The following MAP3K11 variants were observed in gnomAD, a reference collection of about 807,000 sequenced individuals.
MAP3K11 encodes the protein SH3 domain-containing proline-rich kinase.
In MAP3K11, 46 loss-of-function variants were observed where a neutral mutation model predicts 84.9. The observed-to-expected ratio is 0.54, with a 90% CI of 0.43 to 0.69. The LOEUF is 0.69. Ranked by LOEUF, MAP3K11 falls within the 30% of genes least tolerant of loss-of-function variation. MAP3K11 has a pLI of 0.00. For synonymous variants in MAP3K11, 527 were observed against 514.7 expected, an observed-to-expected ratio of 1.02 and a Z score of -0.32; for missense variants, 1,053 against 1,198.3, an observed-to-expected ratio of 0.88 and a Z score of 1.79.
At chr11:65,605,602 A>C in intron 8 of MAP3K11, 159 bp downstream of exon 8, 1 of 571,800 alleles carries the variant, frequency 1.7e-6, no homozygotes. Context: ...CCTGGGTTCC[A>C]GGATCGGCTC....
chr11:65,599,729 T>A lies in MAP3K11; in HGVS notation c.1871A>T (p.Lys624Met). The change falls in exon 9 of 10, where the codon AAG becomes ATG. Residue 624 changes from lysine (K) to methionine (M), a missense_variant. Lys to Met is a moderately conservative substitution (Grantham distance 95). Around this residue, in one of 3 missense-constraint regions of MAP3K11, gnomAD observed 583 missense variants for 566.6 expected, o/e 1.03. Transcript: ENST00000309100. ...PRPSLEPEEP[K>M]RPVPAERGSS... is the part of the protein sequence containing the mutation. ...ACCGCGCTCTGCGGGGACAGGCCTC[T>A]TGGGCTCCTCGGGCTCCAGGCTAGG... 6.3e-7 allele frequency: 1 copy of A among 1,589,978 alleles called. No homozygotes were observed. The highest frequency in any genetic ancestry group is 2.2e-5 in the East Asian group (1 of 44,458).
rs1854601783 is a variant in MAP3K11 at position 65,613,352 on chromosome 11, G to C, written c.405C>G (p.Ser135Arg). ...TCACAGCCACCAGCTCACCTCGCCA[G>C]CTGCCCCTGTACACCTTGCCAAAGC... The part of the protein sequence containing the change: ...IGGFGKVYRG[S>R]WRGELVAVKA... Residue 135 changes from serine to arginine, a missense_variant, in exon 1 of 10, where the codon AGC becomes AGG. Around this residue, in one of 3 missense-constraint regions of MAP3K11, gnomAD observed 310 missense variants for 464.5 expected, o/e 0.67. Transcript: ENST00000309100. 6.2e-7 allele frequency: 1 copy of C among 1,612,996 alleles called. No homozygotes were observed. The highest frequency in any genetic ancestry group is 8.5e-7 in the Non-Finnish European group (1 of 1,179,926).
At chr11:65,612,061 GTC>G (rs138504384) in intron 1 of MAP3K11, 2,187 of 152,478 alleles carry the variant, frequency 0.014, 23 homozygotes, top group Non-Finnish European at 0.025. Context: ...CTCTAAGAAT[GTC>G]TCATGCTTTT....
intron 1 of MAP3K11, chr11:65,612,463 C>T (rs1051797378): frequency 6.6e-6 from 1 of 152,494 alleles, no homozygotes; most frequent in African/African-American, 2.4e-5. Flanking sequence ...TTCACTCTCC[C>T]TTTTTACAGA....
Position 65,599,474 on chromosome 11 carries a change from G to A in MAP3K11, c.2126C>T (p.Pro709Leu), listed in dbSNP as rs1854424301. Reference protein sequence around the residue: ...SLKTPDSPPTPAPLLLDLGIP... With the variant: ...SLKTPDSPPTLAPLLLDLGIP... ...ACCCAGGTCCAGCAACAGGGGTGCA[G>A]GAGTGGGCGGGGAGTCGGGCGTCTT... The change falls in exon 9 of 10, where the codon CCT becomes CTT. Residue 709 changes from proline (P) to leucine (L), a missense_variant. By Grantham distance (98) the Pro-to-Leu change is moderately conservative. Coordinates refer to ENST00000309100, the MANE Select transcript of MAP3K11 (RefSeq NM_002419.4). 6 of 1,508,408 alleles carry A rather than the reference G, an allele frequency of 4.0e-6. No homozygotes were observed. The African/African-American group carries it at 5.9e-5, about 15-fold the overall frequency. 93.4% of individuals were successfully genotyped at this position (1,508,408 alleles called of 1,614,324 possible).
chr11:65,607,389 A>G lies in MAP3K11; in HGVS notation c.1370T>C (p.Leu457Pro). ...QWELEVFERE[L>P]TLLLQQVDRE... ...GTCCACCTGCTGCAGCAGCAGCGTC[A>G]GCTCGCGCTCGAACACCTCTAGCTC... Residue 457 changes from leucine to proline, a missense_variant, in exon 5 of 10, where the codon CTG becomes CCG. Physicochemically the swap from Leu to Pro is moderately conservative, Grantham distance 98. Transcript: ENST00000309100. 6.7e-7 allele frequency: 1 copy of G among 1,495,204 alleles called. No individual in the cohort carries two copies. Among genetic ancestry groups the G allele is most frequent in the Non-Finnish European group, 8.9e-7 (1 of 1,129,718 alleles). The allele number at this position is 1,495,204 out of a possible 1,614,324, so 92.6% of individuals were successfully genotyped here.
chr11:65,598,595 C>T lies in MAP3K11; in HGVS notation c.2240G>A (p.Arg747His), dbSNP rs569473618. ...GGTGCCTGGGGTGCCAGGAGCAGAG[C>T]GTGATGTCCCCGGTGGGGGTGAGAC... ...GTVSPPPGTS[R>H]SAPGTPGTPR... Residue 747 changes from arginine to histidine, a missense_variant, in exon 10 of 10, where the codon CGC becomes CAC. Arg to His is a conservative substitution (Grantham distance 29, BLOSUM62 0). Coordinates refer to ENST00000309100, the MANE Select transcript of MAP3K11 (RefSeq NM_002419.4). The T allele has an allele frequency of 1.8e-4, 286 of 1,572,554 alleles. 4 individuals are homozygous for T. In the South Asian group the frequency reaches 3.2e-3, roughly 17 times the overall value.
At chr11:65,600,354 T>C (rs1344504098) in intron 8 of MAP3K11, among the ~76,000 whole-genome samples, 1 of 152,194 alleles carries the variant, frequency 6.6e-6, no homozygotes, top group African/African-American at 2.4e-5. Context: ...ACAGCTAATT[T>C]ACAGAGTATG....
rs1442187639 is a variant in MAP3K11 at position 65,606,733 on chromosome 11, G to C, written c.1561C>G (p.Pro521Ala). 3.7e-6 allele frequency: 6 copies of C among 1,604,690 alleles called. No individual in the cohort carries two copies. Among genetic ancestry groups the C allele is most frequent in the Non-Finnish European group, 5.1e-6 (6 of 1,176,062 alleles). Residue 521 changes from proline to alanine, a missense_variant, in exon 6 of 10, where the codon CCT becomes GCT. Transcript: ENST00000309100. ...CGGGGAAAGGTGGGCGAATCCCCAGGCCCGACCTCGAAGACGTTTCTCCTC... is the reference window on the plus strand; with the variant it reads ...CGGGGAAAGGTGGGCGAATCCCCAGCCCCGACCTCGAAGACGTTTCTCCTC... ...DRRRNVFEVG[P>A]GDSPTFPRFR...
At chr11:65,607,050 A>AC in intron 5 of MAP3K11, 3 of 697,166 alleles carry the variant, frequency 4.3e-6, no homozygotes, top group Admixed American at 3.9e-5. Context: ...ACTTTCGTGA[A>AC]CCCCACCCCT....
chr11:65,598,213 G>A lies in MAP3K11; in HGVS notation c.*78C>T. ...TGGGGAAACTGAGGCAGCTGCAGAG[G>A]CTGACCCAGCTCCTGTTCCAGTGTA... On this transcript the variant is annotated 3_prime_UTR_variant, in exon 10 of 10. Transcript: ENST00000309100. 2 of 1,236,212 alleles carry A rather than the reference G, an allele frequency of 1.6e-6. No individual in the cohort carries two copies. The highest frequency in any genetic ancestry group is 2.9e-5 in the East Asian group (1 of 34,238). The allele number at this position is 1,236,212 out of a possible 1,614,324, so 76.6% of individuals were successfully genotyped here.
At position 65,605,775 on chromosome 11, in the gene MAP3K11, G is replaced by A; in HGVS notation, c.1817C>T (p.Pro606Leu). The change falls in exon 8 of 10, where the codon CCC becomes CTC. Residue 606 changes from proline (P) to leucine (L), a missense_variant. Physicochemically the swap from Pro to Leu is moderately conservative, Grantham distance 98. Coordinates refer to ENST00000309100, the MANE Select transcript of MAP3K11 (RefSeq NM_002419.4). Reference protein sequence around the residue: ...DSSPLGSPSTPPALNGNPPRP... With the variant: ...DSSPLGSPSTLPALNGNPPRP... ...AGGCCACTCACCATTGAGTGCTGGG[G>A]GTGTGGAAGGAGATCCTAAGGGGGA... 2 of 1,610,164 alleles carry A rather than the reference G, an allele frequency of 1.2e-6. No homozygotes were observed. The highest frequency in any genetic ancestry group is 4.5e-5 in the East Asian group (2 of 44,580).
intron 6 of MAP3K11, 193 bp downstream of exon 6, chr11:65,606,498 A>G (rs904582365): frequency 4.3e-6 from 2 of 461,744 alleles, no homozygotes; most frequent in African/African-American, 4.1e-5. Flanking sequence ...TCATACAATT[A>G]TTTGACTAAA....
At chr11:65,605,001 G>A (rs1462378385) in intron 8 of MAP3K11, among the ~76,000 whole-genome samples, 3 of 152,184 alleles carry the variant, frequency 2.0e-5, no homozygotes, top group African/African-American at 4.8e-5. Flanking sequence ...CTATACGTGA[G>A]AAGCCCTTTC....
At position 65,613,283 on chromosome 11, in the gene MAP3K11, G is replaced by C; in HGVS notation, c.474C>G (p.Ala158=). The C allele has an allele frequency of 6.2e-7, 1 of 1,612,914 alleles. No individual in the cohort carries two copies. Among genetic ancestry groups the C allele is most frequent in the South Asian group, 1.1e-5 (1 of 91,058 alleles). The change falls in exon 1 of 10, where the codon GCC becomes GCG. Residue 158 remains alanine, a synonymous_variant. Transcript: ENST00000309100. ...QDPDEDISVT[A]ESVRQEARLF... Reference sequence around the variant, plus strand: ...GCCGGGCCTCCTGGCGAACGCTCTCGGCTGTCACACTGATGTCCTCATCGG... The same window carrying C: ...GCCGGGCCTCCTGGCGAACGCTCTCCGCTGTCACACTGATGTCCTCATCGG...
In MAP3K11 at chr11:65,605,778, G is replaced by T. The variant is rs145297254; in HGVS notation, c.1814C>A (p.Thr605Lys). The T allele has an allele frequency of 5.8e-4, 934 of 1,610,620 alleles. 6 individuals carry two copies. The highest frequency in any genetic ancestry group is 2.9e-4 in the Non-Finnish European group (338 of 1,178,582). ...DDSSPLGSPS[T>K]PPALNGNPPR... ...CCACTCACCATTGAGTGCTGGGGGT[G>T]TGGAAGGAGATCCTAAGGGGGATGA... Residue 605 changes from threonine to lysine, a missense_variant, in exon 8 of 10, where the codon ACA becomes AAA. Physicochemically the swap from Thr to Lys is moderately conservative, Grantham distance 78 (BLOSUM62 -1). Transcript: ENST00000309100.
In MAP3K11 at chr11:65,598,254, T is replaced by C. The variant is rs1352894760; in HGVS notation, c.*37A>G. The C allele has an allele frequency of 2.1e-6, 3 of 1,408,052 alleles. No individual in the cohort carries two copies. The highest frequency in any genetic ancestry group is 2.9e-5 in the African/African-American group (2 of 68,876). 87.2% of individuals were successfully genotyped at this position (1,408,052 alleles called of 1,614,324 possible). On this transcript the variant is annotated 3_prime_UTR_variant, in exon 10 of 10. Transcript: ENST00000309100. ...TTCCAGTGTATGCTGTGACTCCTCC[T>C]AAGGCAGCTGGAGCTCGGGGGAGTG...
chr11:65,606,038 G>A lies in MAP3K11; in HGVS notation c.1647C>T (p.Pro549=), dbSNP rs772022239. Residue 549 remains proline, a synonymous_variant, in exon 7 of 10, where the codon CCC becomes CCT. Coordinates refer to ENST00000309100, the MANE Select transcript of MAP3K11 (RefSeq NM_002419.4). The part of the protein sequence containing the change: ...EPGQAWGRQS[P]RRLEDSSNGE... ...CATTGCTTGAGTCCTCCAGACGTCG[G>A]GGGGACTGGCGGCCCCATGCCTGGC... The A allele has an allele frequency of 1.9e-6, 3 of 1,592,252 alleles. No individual in the cohort carries two copies. The highest frequency in any genetic ancestry group is 2.6e-6 in the Non-Finnish European group (3 of 1,170,218).
chr11:65,611,218 G>C (rs1322557161), intron 1 of MAP3K11: 1 of 152,396 alleles, frequency 6.6e-6, no homozygotes, highest in Non-Finnish European at 1.5e-5. Flanking sequence ...ACTTGGGAGG[G>C]GGAGTCCTTT....
Sources: allele counts gnomAD v4.1 joint callset (sites outside exome capture counted in the v4.1 genomes callset), GRCh38; gene constraint gnomAD v4.1.1; regional missense constraint gnomAD v4.1.1; transcripts MANE v1.5; gene names NCBI Gene and HGNC (gene_info 2026-07-23, HGNC 2026-07-21).